Variants in SH3RF3 observed in about 807,000 individuals in gnomAD.
The protein encoded by SH3RF3 is SH3 domain containing ring finger 3.
A neutral mutation model predicts 66.3 loss-of-function variants in SH3RF3; 29 were observed. The observed-to-expected ratio is 0.44, with a 90% CI of 0.33 to 0.60. The LOEUF is 0.60. Among genes scored for constraint, SH3RF3 ranks in the 20% least tolerant of loss-of-function variants. The pLI is 0.04. For synonymous variants in SH3RF3, 583 were observed against 532.0 expected (o/e 1.10, Z -1.32); for missense variants, 1,194 against 1,190.9 (o/e 1.00, Z -0.04).
At chr2:109,326,577 G>A (rs374459398) in intron 1 of SH3RF3, among the ~76,000 whole-genome samples, 4 of 152,258 alleles carry the variant, frequency 2.6e-5, no homozygotes, top group African/African-American at 9.6e-5. Flanking sequence ...GGTTTAATTT[G>A]CAGTTCTTGG....
chr2:109,147,350 T>G (rs1677123290), intron 1 of SH3RF3, among the ~76,000 whole-genome samples: 1 of 152,218 alleles, frequency 6.6e-6, no homozygotes, highest in African/African-American at 2.4e-5. Flanking sequence ...CGAGACTATC[T>G]CTGCGCTGAT....
chr2:109,465,370 G>A (rs965236494), intron 8 of SH3RF3, among the ~76,000 whole-genome samples: 4 of 152,150 alleles, frequency 2.6e-5, no homozygotes, highest in Admixed American at 6.5e-5. Flanking sequence ...TGCTGAGGTC[G>A]GTAAAAGTAC....
intron 1 of SH3RF3, among the ~76,000 whole-genome samples, chr2:109,178,576 C>T (rs12624178): frequency 0.29 from 43,940 of 152,022 alleles, 6,802 homozygotes; most frequent in East Asian, 0.42. Context: ...CCTTTGGACT[C>T]AAATACGTTA....
intron 1 of SH3RF3, among the ~76,000 whole-genome samples, chr2:109,247,215 C>T (rs769409027): frequency 3.3e-5 from 5 of 152,168 alleles, no homozygotes; most frequent in Non-Finnish European, 7.3e-5. Flanking sequence ...TGAAGTCACA[C>T]CCCACACAGA....
intron 8 of SH3RF3, among the ~76,000 whole-genome samples, chr2:109,464,223 C>T (rs1024185126): frequency 6.6e-6 from 1 of 151,890 alleles, no homozygotes; most frequent in East Asian, 1.9e-4. Flanking sequence ...ATCCTCTTGT[C>T]GGGCAAAATC....
chr2:109,152,427 T>C (rs1677243956), intron 1 of SH3RF3, among the ~76,000 whole-genome samples: 1 of 152,216 alleles, frequency 6.6e-6, no homozygotes, highest in African/African-American at 2.4e-5. Flanking sequence ...GGCTCCGATC[T>C]CAAGTTGAGA....
chr2:109,207,607 C>T (rs1678871707), intron 1 of SH3RF3, among the ~76,000 whole-genome samples: 1 of 152,084 alleles, frequency 6.6e-6, no homozygotes, highest in Non-Finnish European at 1.5e-5. Context: ...AATAAAGATG[C>T]AATGGAGCCC....
At chr2:109,213,718 T>A (rs1295071964) in intron 1 of SH3RF3, among the ~76,000 whole-genome samples, 1 of 152,220 alleles carries the variant, frequency 6.6e-6, no homozygotes, top group East Asian at 1.9e-4. Context: ...CTGGCCTTTA[T>A]CCTTTACCTT....
At position 109,432,597 on chromosome 2, in the gene SH3RF3, C is replaced by G; in HGVS notation, c.1500C>G (p.Gly500=). Residue 500 remains glycine, a synonymous_variant, in exon 6 of 10, where the codon GGC becomes GGG. Coordinates refer to ENST00000309415, the MANE Select transcript of SH3RF3 (RefSeq NM_001099289.3). ...GGGTCCTCGAGAAGTGTCAGGATGG[C>G]TGGTTCAAGGGGGCGTCTCTGAGGA... ...MYRVLEKCQD[G]WFKGASLRTG... 1 of 1,613,406 alleles carries G rather than the reference C, an allele frequency of 6.2e-7. No homozygotes were observed.
At chr2:109,444,521 G>C (rs1392582980) in intron 7 of SH3RF3, among the ~76,000 whole-genome samples, 1 of 152,132 alleles carries the variant, frequency 6.6e-6, no homozygotes, top group Non-Finnish European at 1.5e-5. Context: ...CATTTTCCAG[G>C]GGATGGGCCA....
At chr2:109,396,537 A>C (rs1676150651) in intron 3 of SH3RF3, among the ~76,000 whole-genome samples, 1 of 152,208 alleles carries the variant, frequency 6.6e-6, no homozygotes, top group African/African-American at 2.4e-5. Context: ...CATGCCACTT[A>C]AACTCAGCAG....
At chr2:109,352,375 G>A (rs764314974) in intron 2 of SH3RF3, among the ~76,000 whole-genome samples, 35 of 152,164 alleles carry the variant, frequency 2.3e-4, no homozygotes, top group Non-Finnish European at 5.9e-5. Flanking sequence ...CTTTCCTGGT[G>A]GCTAAATCTC....
intron 1 of SH3RF3, among the ~76,000 whole-genome samples, chr2:109,346,005 G>A (rs182916823): frequency 6.6e-6 from 1 of 152,308 alleles, no homozygotes; most frequent in East Asian, 1.9e-4. Flanking sequence ...TGGCCCCTGT[G>A]TGGCAGTGGA....
chr2:109,429,626 GC>G (rs956345167), intron 5 of SH3RF3, among the ~76,000 whole-genome samples: 1 of 152,020 alleles, frequency 6.6e-6, no homozygotes. Context: ...CTCTCATCTT[GC>G]CCAAGCCCTG....
chr2:109,394,945 G>A (rs1676101117), intron 3 of SH3RF3, among the ~76,000 whole-genome samples: 1 of 152,274 alleles, frequency 6.6e-6, no homozygotes, highest in South Asian at 2.1e-4. Flanking sequence ...GCACTGGCAG[G>A]CGAGGGCATC....
intron 1 of SH3RF3, among the ~76,000 whole-genome samples, chr2:109,273,802 T>C (rs1177600321): frequency 2.6e-5 from 4 of 152,138 alleles, no homozygotes; most frequent in African/African-American, 7.2e-5. Flanking sequence ...AATCCAGATA[T>C]GCTGCTTGAG....
At chr2:109,202,798 A>G (rs1019614965) in intron 1 of SH3RF3, among the ~76,000 whole-genome samples, 6 of 152,172 alleles carry the variant, frequency 3.9e-5, no homozygotes, top group African/African-American at 1.4e-4. Flanking sequence ...ACATTTAAGC[A>G]AAGGGGGTCG....
At chr2:109,170,316 C>T (rs1019074197) in intron 1 of SH3RF3, among the ~76,000 whole-genome samples, 6 of 135,724 alleles carry the variant, frequency 4.4e-5, no homozygotes, top group East Asian at 4.4e-4. Context: ...TCTCTTCTCT[C>T]CTCTCTCTCT....
intron 1 of SH3RF3, among the ~76,000 whole-genome samples, chr2:109,316,995 T>C (rs994327258): frequency 6.6e-6 from 1 of 152,186 alleles, no homozygotes; most frequent in African/African-American, 2.4e-5. Flanking sequence ...TTTCTTTTTA[T>C]CACTGAATAA....
Sources: gnomAD v4.1 joint callset for allele counts (sites outside exome capture counted in the v4.1 genomes callset) on GRCh38, gnomAD v4.1.1 for gene constraint, MANE v1.5 for transcripts, NCBI Gene and HGNC (gene_info 2026-07-23, HGNC 2026-07-21) for gene names.